The following DIAPH1 variants were observed in gnomAD, a reference collection of about 807,000 sequenced individuals.
The protein encoded by DIAPH1 is diaphanous related formin 1, also known as protein diaphanous homolog 1.
A neutral mutation model predicts 140.7 loss-of-function variants in DIAPH1; 46 were observed. The observed-to-expected ratio is 0.33, with a 90% CI of 0.26 to 0.42. The LOEUF is 0.42. DIAPH1 is among the 10% of genes least tolerant of loss of function. The pLI, the probability that DIAPH1 is intolerant of heterozygous loss-of-function variation, is 1.00. For missense variants in DIAPH1, 1,310 were observed against 1,558.7 expected, an observed-to-expected ratio of 0.84 and a Z score of 2.69; for synonymous variants, 565 against 551.6, an observed-to-expected ratio of 1.02 and a Z score of -0.34.
intron 19 of DIAPH1, among the ~76,000 whole-genome samples, chr5:141,533,183 G>T (rs1438717945): frequency 6.6e-6 from 1 of 152,172 alleles, no homozygotes; most frequent in East Asian, 1.9e-4. Context: ...GGGTTTTACG[G>T]AAAATACCCT....
Position 141,532,382 on chromosome 5 carries a change from C to T in DIAPH1, c.2581+1953G>A, listed in dbSNP as rs146980225. Among the ~76,000 whole-genome samples the T allele has an allele frequency of 2.2e-4, 34 of 152,308 alleles. No homozygotes were observed. The East Asian group carries it at 6.6e-3, about 29-fold the overall frequency. ...CAGGGGTCTTGCTTTGTTTCCCAGG[C>T]TGGTCTTGAACTCTTGGTCTCAAGC... On this transcript the variant is annotated intron_variant, in intron 19 of 27. Coordinates refer to ENST00000389054, the MANE Select transcript of DIAPH1 (RefSeq NM_005219.5).
intron 1 of DIAPH1, among the ~76,000 whole-genome samples, chr5:141,589,802 GC>G (rs545979076): frequency 6.6e-6 from 1 of 151,726 alleles, no homozygotes; most frequent in Non-Finnish European, 1.5e-5. Context: ...TACCCCTCCT[GC>G]CCCCCCAAAA....
chr5:141,578,022 A>T lies in DIAPH1; in HGVS notation c.1163+203T>A, dbSNP rs1296853166. ...GGCTTCCATGCTCAACAACCCTCAG[A>T]TCACCTTTACTGACTTCCCTGATCT... is the stretch of plus-strand genomic sequence containing the variant. On this transcript the variant is annotated intron_variant, in intron 11 of 27. Coordinates refer to ENST00000389054, the MANE Select transcript of DIAPH1 (RefSeq NM_005219.5). The T allele has an allele frequency of 6.3e-6, 4 of 638,484 alleles. No homozygotes were observed. The Admixed American group carries it at 7.0e-5, about 11-fold the overall frequency. 39.6% of individuals were successfully genotyped at this position (638,484 alleles called of 1,614,324 possible). A position where few individuals can be genotyped will look rare whatever the true frequency, so the allele number is the denominator to read the frequency against.
intron 18 of DIAPH1, among the ~76,000 whole-genome samples, chr5:141,537,339 C>G (rs879270192): frequency 4.0e-5 from 6 of 150,186 alleles, no homozygotes; most frequent in Admixed American, 2.0e-4. Context: ...CAAAATTAGC[C>G]GGGTGTGGTG....
chr5:141,584,134 G>T lies in DIAPH1; in HGVS notation c.392C>A (p.Thr131Asn), dbSNP rs2099897189. ...KREMVSQYLY[T>N]SKAGMSQKES... The stretch of plus-strand genomic sequence containing the variant: ...TGTCCCAGGACTCACAGCCTTGGAG[G>T]TGTACAAGTATTGGGACACCATCTC... Residue 131 changes from threonine (T) to asparagine (N), a missense_variant, in exon 4 of 28, where the codon ACC (threonine) becomes AAC (asparagine). Around this residue, in one of 3 missense-constraint regions of DIAPH1, gnomAD observed 377 missense variants for 497.1 expected, o/e 0.76. Transcript: ENST00000389054. 6.2e-6 allele frequency: 10 copies of T among 1,606,402 alleles called. No individual in the cohort carries two copies. Among genetic ancestry groups the T allele is most frequent in the Non-Finnish European group, 8.5e-6 (10 of 1,173,334 alleles).
intron 3 of DIAPH1, 29 bp from the exon 4 acceptor site, chr5:141,584,254 C>A: frequency 3.0e-6 from 4 of 1,331,288 alleles, no homozygotes; most frequent in Non-Finnish European, 4.3e-6. Context: ...AGAGAAAAAA[C>A]AAAATTGCCT....
chr5:141,584,449 T>C (rs1398059994), intron 3 of DIAPH1, among the ~76,000 whole-genome samples: 1 of 102,862 alleles, frequency 9.7e-6, no homozygotes, highest in Non-Finnish European at 2.3e-5. Flanking sequence ...ATATACACAC[T>C]TTTTTTCTCT....
At chr5:141,607,734 C>A (rs985605812) in intron 1 of DIAPH1, among the ~76,000 whole-genome samples, 2 of 152,174 alleles carry the variant, frequency 1.3e-5, no homozygotes, top group African/African-American at 4.8e-5. Flanking sequence ...TTTACTACAG[C>A]CACATATTCA....
intron 18 of DIAPH1, chr5:141,563,809 A>G (rs2099893955): frequency 6.6e-6 from 1 of 152,238 alleles, no homozygotes; most frequent in Non-Finnish European, 1.5e-5. Context: ...GAGTTAACAT[A>G]TGACACAAAG....
chr5:141,580,324 A>G (rs1467887370), intron 8 of DIAPH1, among the ~76,000 whole-genome samples: 1 of 152,208 alleles, frequency 6.6e-6, no homozygotes, highest in African/African-American at 2.4e-5. Context: ...ATGAGACTAT[A>G]CCATGCCATT....
chr5:141,592,818 C>A (rs2099898706), intron 1 of DIAPH1, among the ~76,000 whole-genome samples: 1 of 152,136 alleles, frequency 6.6e-6, no homozygotes, highest in South Asian at 2.1e-4. Flanking sequence ...AGCATAAATA[C>A]AGAATGAATT....
intron 18 of DIAPH1, among the ~76,000 whole-genome samples, chr5:141,540,274 C>T (rs1562294169): frequency 6.6e-6 from 1 of 151,450 alleles, no homozygotes; most frequent in Non-Finnish European, 1.5e-5. Context: ...GCACATGACA[C>T]CATGCCTGGC....
At chr5:141,583,661 A>G in intron 4 of DIAPH1, 46 bp from the exon 5 acceptor site, 2 of 1,611,570 alleles carry the variant, frequency 1.2e-6, no homozygotes, top group Non-Finnish European at 1.7e-6. Flanking sequence ...GGACCCAGTC[A>G]TAAATTAAGG....
At chr5:141,522,024 C>T (rs1432015670) in intron 27 of DIAPH1, among the ~76,000 whole-genome samples, 1 of 152,178 alleles carries the variant, frequency 6.6e-6, no homozygotes, top group East Asian at 1.9e-4. Context: ...CTTTTGATCC[C>T]TACCTAGCCC....
chr5:141,575,109 A>T lies in DIAPH1; in HGVS notation c.1499T>A (p.Val500Glu). 6.2e-7 allele frequency: 1 copy of T among 1,613,812 alleles called. No individual in the cohort carries two copies. The highest frequency in any genetic ancestry group is 8.5e-7 in the Non-Finnish European group (1 of 1,179,950). The change falls in exon 15 of 28, where the codon GTG (valine) becomes GAG (glutamate). Residue 500 changes from valine to glutamate, a missense_variant. Around this residue, in one of 3 missense-constraint regions of DIAPH1, gnomAD observed 589 missense variants for 549.3 expected, o/e 1.07. Transcript: ENST00000389054. ...SELTARHELQ[V>E]EMKKMESDFE... The stretch of plus-strand genomic sequence containing the variant: ...GTCACTTTCCATCTTTTTCATTTCC[A>T]CCTGTAGCTCATGTCGGGCTGTTAA...
At position 141,593,636 on chromosome 5, in the gene DIAPH1, G is replaced by A. The variant is rs987001242; in HGVS notation, c.118-5386C>T. 3.3e-5 allele frequency among the ~76,000 whole-genome samples: 5 copies of A among 152,232 alleles called. No homozygotes were observed. The South Asian group carries it at 1.0e-3, about 32-fold the overall frequency. On this transcript the variant is annotated intron_variant, in intron 1 of 27. Transcript: ENST00000389054. ...TAAGGTGGCTAGTGTAAGTGAGGAG[G>A]AATTTATTACATTTTATTTAACAAA...
chr5:141,604,200 T>C (rs1465013810), intron 1 of DIAPH1, among the ~76,000 whole-genome samples: 1 of 152,238 alleles, frequency 6.6e-6, no homozygotes, highest in East Asian at 1.9e-4. Flanking sequence ...ATGCATAGTC[T>C]GTCATTTGGT....
intron 2 of DIAPH1, 26 bp from the exon 3 acceptor site, chr5:141,587,223 A>C: frequency 6.2e-7 from 1 of 1,612,418 alleles, no homozygotes; most frequent in East Asian, 2.2e-5. Flanking sequence ...AAGCATTAGC[A>C]GTGATCCATT....
At chr5:141,595,482 G>A (rs1420237268) in intron 1 of DIAPH1, among the ~76,000 whole-genome samples, 8 of 152,152 alleles carry the variant, frequency 5.3e-5, no homozygotes, top group African/African-American at 7.2e-5. Context: ...TGTCAAGGGC[G>A]GGACCAGGTG....
Sources: gnomAD v4.1 joint callset for allele counts (sites outside exome capture counted in the v4.1 genomes callset) on GRCh38, gnomAD v4.1.1 for gene constraint, gnomAD v4.1.1 regional missense constraint, MANE v1.5 for transcripts, NCBI Gene and HGNC (gene_info 2026-07-23, HGNC 2026-07-21) for gene names.